Variants in GIMD1 observed in about 807,000 individuals in gnomAD.
GIMD1 encodes GTPase IMAP family member GIMD1.
GIMD1 carries 14 observed loss-of-function variants against 14.9 expected under a neutral mutation model. That is an observed-to-expected ratio of 0.94 (90% CI 0.62 to 1.47). The LOEUF (loss-of-function observed/expected upper bound fraction) is 1.47. Ranked by LOEUF, GIMD1 falls within the 40% of genes most tolerant of loss-of-function variation. The pLI is 0.00. For synonymous variants in GIMD1, 91 were observed against 90.5 expected (o/e 1.01, Z -0.03); for missense variants, 272 against 255.3 (o/e 1.07, Z -0.44).
intron 2 of GIMD1, among the ~76,000 whole-genome samples, chr4:106,366,612 A>T (rs1018641365): frequency 3.9e-5 from 6 of 152,160 alleles, no homozygotes; most frequent in Admixed American, 6.6e-5. Flanking sequence ...ACAGATATGC[A>T]GGCTCCACTC....
intron 2 of GIMD1, among the ~76,000 whole-genome samples, chr4:106,359,504 A>T (rs1418707723): frequency 6.6e-6 from 1 of 151,874 alleles, no homozygotes; most frequent in African/African-American, 2.4e-5. Flanking sequence ...GCTTAATGCA[A>T]TTATTTGTGG....
chr4:106,359,191 T>G (rs1333536250), intron 2 of GIMD1, among the ~76,000 whole-genome samples: 1 of 151,946 alleles, frequency 6.6e-6, no homozygotes, highest in African/African-American at 2.4e-5. Context: ...ATGTGGCAAA[T>G]TGTTCATGTA....
At position 106,367,150 on chromosome 4, in the gene GIMD1, G is replaced by C; in HGVS notation, c.286C>G (p.Leu96Val). 6.5e-7 allele frequency: 1 copy of C among 1,535,704 alleles called. No individual in the cohort carries two copies. Among genetic ancestry groups the C allele is most frequent in the Non-Finnish European group, 8.7e-7 (1 of 1,146,700 alleles). Residue 96 changes from leucine to valine, a missense_variant, in exon 2 of 3, where the codon CTG becomes GTG. Coordinates refer to ENST00000638719, the MANE Select transcript of GIMD1 (RefSeq NM_001195138.2). ...KYVKQEVKEALAHHFGQGGLH... is the reference protein window; with the variant it reads ...KYVKQEVKEAVAHHFGQGGLH... Reference sequence around the variant, plus strand: ...CCCCCTTGCCCGAAGTGATGTGCCAGAGCCTCTTTGACTTCCTGTTTCACA... The same window carrying C: ...CCCCCTTGCCCGAAGTGATGTGCCACAGCCTCTTTGACTTCCTGTTTCACA...
In GIMD1 at chr4:106,367,328, G is replaced by A; in HGVS notation, c.108C>T (p.Ser36=). The change falls in exon 2 of 3, where the codon AGC becomes AGT. Residue 36 remains serine (S), a synonymous_variant. Coordinates refer to ENST00000638719, the MANE Select transcript of GIMD1 (RefSeq NM_001195138.2). ...TGGTCACAGAACAGGGAGCAAAGCTGCTGTGAAAGTCTGTGCTTCCCAGCA... is the reference window on the plus strand; with the variant it reads ...TGGTCACAGAACAGGGAGCAAAGCTACTGTGAAAGTCTGTGCTTCCCAGCA... ...NILLGSTDFH[S]SFAPCSVTTC... is the part of the protein sequence containing the mutation. 3 of 1,536,026 alleles carry A rather than the reference G, an allele frequency of 2.0e-6. No homozygotes were observed. Among genetic ancestry groups the A allele is most frequent in the Non-Finnish European group, 2.6e-6 (3 of 1,146,848 alleles).
chr4:106,366,500 A>G (rs577650324), intron 2 of GIMD1, among the ~76,000 whole-genome samples: 5 of 152,158 alleles, frequency 3.3e-5, no homozygotes, highest in Non-Finnish European at 7.3e-5. Flanking sequence ...GTGAACTATA[A>G]GAGATTGTCC....
chr4:106,363,113 T>A (rs576510270), intron 2 of GIMD1, among the ~76,000 whole-genome samples: 22 of 152,142 alleles, frequency 1.4e-4, no homozygotes, highest in Non-Finnish European at 2.8e-4. Flanking sequence ...TTGATTTTAC[T>A]CTTATTTTCT....
intron 2 of GIMD1, among the ~76,000 whole-genome samples, chr4:106,363,998 A>G (rs1011472705): frequency 1.8e-4 from 27 of 150,704 alleles, no homozygotes; most frequent in Admixed American, 1.7e-3. Context: ...TCTCTGATTC[A>G]TTATTTGTGG....
intron 2 of GIMD1, among the ~76,000 whole-genome samples, chr4:106,361,106 A>G (rs1392043552): frequency 6.6e-6 from 1 of 152,064 alleles, no homozygotes; most frequent in Non-Finnish European, 1.5e-5. Flanking sequence ...TGGAATCTGA[A>G]TTTTATAAAG....
At chr4:106,363,484 C>G (rs532841521) in intron 2 of GIMD1, among the ~76,000 whole-genome samples, 239 of 152,162 alleles carry the variant, frequency 1.6e-3, no homozygotes, top group Middle Eastern at 3.4e-3. Context: ...CAGTAGTGAT[C>G]ATAACAATAA....
At chr4:106,362,998 G>T (rs572549304) in intron 2 of GIMD1, among the ~76,000 whole-genome samples, 1 of 151,924 alleles carries the variant, frequency 6.6e-6, no homozygotes, top group Non-Finnish European at 1.5e-5. Flanking sequence ...CTAAATTGGG[G>T]CTCTTCAATT....
At chr4:106,358,694 G>T (rs1770571414) in intron 2 of GIMD1, among the ~76,000 whole-genome samples, 1 of 151,774 alleles carries the variant, frequency 6.6e-6, no homozygotes, top group Non-Finnish European at 1.5e-5. Context: ...TATGATAATT[G>T]ATATATACAC....
intron 2 of GIMD1, among the ~76,000 whole-genome samples, chr4:106,363,813 T>G (rs1230041861): frequency 1.4e-5 from 2 of 147,148 alleles, no homozygotes; most frequent in Non-Finnish European, 1.5e-5. Context: ...AACAGCTCGG[T>G]TGTTGATGAT....
At chr4:106,359,626 G>A (rs60393377) in intron 2 of GIMD1, among the ~76,000 whole-genome samples, 2,778 of 151,636 alleles carry the variant, frequency 0.018, 81 homozygotes, top group African/African-American at 0.061. Flanking sequence ...AATATTGAAA[G>A]ACAGTCTGGG....
At chr4:106,364,229 G>T (rs1001492878) in intron 2 of GIMD1, among the ~76,000 whole-genome samples, 5 of 152,126 alleles carry the variant, frequency 3.3e-5, no homozygotes, top group Admixed American at 3.3e-4. Flanking sequence ...AATTGGGGAA[G>T]ATATTTAAAG....
chr4:106,366,097 G>T (rs900620055), intron 2 of GIMD1, among the ~76,000 whole-genome samples: 4 of 151,984 alleles, frequency 2.6e-5, no homozygotes, highest in Non-Finnish European at 4.4e-5. Context: ...AAACAAATTG[G>T]AATAGACCAC....
chr4:106,358,174 A>T lies in GIMD1; in HGVS notation c.*9T>A. 6.8e-7 allele frequency: 1 copy of T among 1,460,042 alleles called. No individual in the cohort carries two copies. The highest frequency in any genetic ancestry group is 9.0e-7 in the Non-Finnish European group (1 of 1,108,376). 90.4% of individuals were successfully genotyped at this position (1,460,042 alleles called of 1,614,324 possible). On this transcript the variant is annotated 3_prime_UTR_variant, in exon 3 of 3. Transcript: ENST00000638719. ...CAATACCCAATGCTCCTTTCCTTTC[A>T]CCTAAATTTTATTTAAATGTAAGAA...
chr4:106,367,508 G>A (rs1411893450), intron 1 of GIMD1, 71 bp from the exon 2 acceptor site: 13 of 1,381,742 alleles, frequency 9.4e-6, no homozygotes, highest in African/African-American at 1.5e-5. Flanking sequence ...TTTCTTACCT[G>A]GCCTGGTTGC....
At chr4:106,366,994 T>A (rs1039956537) in intron 2 of GIMD1, 49 bp downstream of exon 2, 2 of 818,792 alleles carry the variant, frequency 2.4e-6, no homozygotes, top group Non-Finnish European at 3.5e-6. Context: ...TAGGATAATG[T>A]CCTCCAAGAA....
Position 106,367,409 on chromosome 4 carries a change from G to C in GIMD1, c.27C>G (p.Ile9Met), listed in dbSNP as rs1486467852. Residue 9 changes from isoleucine (I) to methionine (M), a missense_variant, in exon 2 of 3, where the codon ATC becomes ATG. By Grantham distance (10) the Ile-to-Met change is conservative. Transcript: ENST00000638719. MTDPNKMI[I>M]NLALFGMTQS... ...GAGTCATGCCAAAGAGGGCCAAGTT[G>C]ATGATCATCTTGTTGGGGTCTGTCA... 6.5e-6 allele frequency: 10 copies of C among 1,534,464 alleles called. No homozygotes were observed. In the East Asian group the frequency reaches 2.4e-4, roughly 38 times the overall value.
Sources: gnomAD v4.1 joint callset for allele counts (sites outside exome capture counted in the v4.1 genomes callset) on GRCh38, gnomAD v4.1.1 for gene constraint, MANE v1.5 for transcripts, NCBI Gene and HGNC (gene_info 2026-07-23, HGNC 2026-07-21) for gene names.